The following DYM variants were observed in gnomAD, a reference collection of about 807,000 sequenced individuals.
DYM encodes the protein dymeclin.
In DYM, 78 loss-of-function variants were observed where a neutral mutation model predicts 93.1. The ratio of observed to expected loss-of-function variants is 0.84; its 90% CI spans 0.70 to 1.01. The LOEUF (loss-of-function observed/expected upper bound fraction) is 1.01, where lower values mean the gene tolerates loss of function less well. Ranked by LOEUF, DYM falls within the 50% of genes least tolerant of loss-of-function variation. The pLI is 0.00. For missense variants in DYM, 789 were observed against 845.0 expected (o/e 0.93, Z 0.82); for synonymous variants, 321 against 319.7 (o/e 1.00, Z -0.04).
At chr18:49,203,324 T>A (rs868680647) in intron 14 of DYM, among the ~76,000 whole-genome samples, 1 of 73,792 alleles carries the variant, frequency 1.4e-5, no homozygotes, top group Non-Finnish European at 3.0e-5. Context: ...GGAGCCCCTC[T>A]GCCCGGCCAC....
Position 49,282,027 on chromosome 18 carries a change from G to T in DYM, c.1095C>A (p.Tyr365Ter). The T allele has an allele frequency of 6.2e-7, 1 of 1,613,976 alleles. No individual in the cohort carries two copies. Among genetic ancestry groups the T allele is most frequent in the Non-Finnish European group, 8.5e-7 (1 of 1,179,922 alleles). The change falls in exon 10 of 18, where the codon TAC becomes TAA. Residue 365 changes from tyrosine (Y) to a stop codon, truncating the protein, a stop_gained. Transcript: ENST00000675505. LOFTEE classifies it high-confidence loss of function. ...LLHQNSNIRT[Y>*]MLARTDMENL... is the part of the protein sequence containing the mutation. ...TTTCCATATCTGTGCGAGCCAACAT[G>T]TATGTTCTAATATTACTATTTTGAT...
intron 14 of DYM, among the ~76,000 whole-genome samples, chr18:49,204,463 A>G (rs1028761287): frequency 1.3e-5 from 2 of 152,234 alleles, no homozygotes; most frequent in Non-Finnish European, 2.9e-5. Context: ...TATTTTTGAC[A>G]TCAGCAAAGT....
rs928697399 is a variant in DYM at position 49,318,957 on chromosome 18, C to T, written c.763+12907G>A. ...CTAGGATTACAGGCACCTGCCACCA[C>T]GCCCAACTAATTTTTTTTTTTGTAT... On this transcript the variant is annotated intron_variant, in intron 8 of 17. Coordinates refer to ENST00000675505, the MANE Select transcript of DYM (RefSeq NM_001353214.3). Among the ~76,000 whole-genome samples, 232 of 151,510 alleles carry T rather than the reference C, an allele frequency of 1.5e-3. 4 individuals carry two copies. The highest frequency in any genetic ancestry group is 2.5e-4 in the Non-Finnish European group (17 of 67,856).
At chr18:49,290,063 A>G (rs1378314185) in intron 8 of DYM, among the ~76,000 whole-genome samples, 2 of 151,530 alleles carry the variant, frequency 1.3e-5, no homozygotes, top group African/African-American at 4.8e-5. Flanking sequence ...TGAGCCCAGC[A>G]ATTCTTTTTT....
At chr18:49,081,021 T>A (rs1312234299) in intron 17 of DYM, among the ~76,000 whole-genome samples, 1 of 128,578 alleles carries the variant, frequency 7.8e-6, no homozygotes, top group Non-Finnish European at 1.6e-5. Context: ...CTTTCCAGAC[T>A]GGGCAGCCAG....
At chr18:49,069,560 TGTTTA>T (rs1192332535) in intron 17 of DYM, among the ~76,000 whole-genome samples, 1 of 152,222 alleles carries the variant, frequency 6.6e-6, no homozygotes, top group African/African-American at 2.4e-5. Context: ...GCTTGTGTGT[TGTTTA>T]GTTTATAAAA....
chr18:49,232,078 A>AT (rs1281299994), intron 13 of DYM, among the ~76,000 whole-genome samples: 1 of 151,952 alleles, frequency 6.6e-6, no homozygotes, highest in African/African-American at 2.4e-5. Context: ...TACACATGTG[A>AT]TTTTCATGTT....
At chr18:49,362,373 G>C (rs936149825) in intron 6 of DYM, among the ~76,000 whole-genome samples, 1 of 152,034 alleles carries the variant, frequency 6.6e-6, no homozygotes, top group African/African-American at 2.4e-5. Flanking sequence ...TGAACATTTC[G>C]AATCACAAAG....
chr18:49,331,738 C>A lies in DYM; in HGVS notation c.763+126G>T. ...TAATATTTTAATTACTTTGTTTTCA[C>A]ATTGAACCAGCTGCACAAATTCAAT... On this transcript the variant is annotated intron_variant, in intron 8 of 17. Transcript: ENST00000675505. 3 of 1,053,244 alleles carry A rather than the reference C, an allele frequency of 2.8e-6. No homozygotes were observed. The South Asian group carries it at 4.0e-5, about 14-fold the overall frequency. 65.2% of individuals were successfully genotyped at this position (1,053,244 alleles called of 1,614,324 possible). A position where few individuals can be genotyped will look rare whatever the true frequency, so the allele number is the denominator to read the frequency against.
At chr18:49,247,148 G>A (rs2094189811) in intron 13 of DYM, among the ~76,000 whole-genome samples, 1 of 152,116 alleles carries the variant, frequency 6.6e-6, no homozygotes, top group Non-Finnish European at 1.5e-5. Context: ...TGTGCTTGAA[G>A]GCTATCATAA....
intron 15 of DYM, 108 bp from the exon 16 acceptor site, chr18:49,119,034 C>CATGAAGAGA: frequency 2.2e-6 from 2 of 911,222 alleles, no homozygotes; most frequent in Non-Finnish European, 3.5e-6. Context: ...TTGGAAAGAT[C>CATGAAGAGA]ATGAAGAGAA....
At chr18:49,151,461 C>G (rs570776923) in intron 15 of DYM, among the ~76,000 whole-genome samples, 1 of 152,124 alleles carries the variant, frequency 6.6e-6, no homozygotes, top group African/African-American at 2.4e-5. Flanking sequence ...AATAAAGTGG[C>G]ATTTATAAAA....
chr18:49,152,310 GT>G (rs2085908060), intron 15 of DYM, among the ~76,000 whole-genome samples: 1 of 152,120 alleles, frequency 6.6e-6, no homozygotes, highest in African/African-American at 2.4e-5. Context: ...GGAATGTTTT[GT>G]TTTTGTTTTA....
chr18:49,128,284 GAA>G (rs1452334361), intron 15 of DYM, among the ~76,000 whole-genome samples: 1 of 152,224 alleles, frequency 6.6e-6, no homozygotes, highest in East Asian at 1.9e-4. Flanking sequence ...ACTGCCAGCA[GAA>G]GAGACAAGTG....
At chr18:49,123,689 C>A (rs1290872410) in intron 15 of DYM, among the ~76,000 whole-genome samples, 1 of 152,088 alleles carries the variant, frequency 6.6e-6, no homozygotes, top group African/African-American at 2.4e-5. Flanking sequence ...AAAATGTTTT[C>A]TTTTTATGAT....
chr18:49,286,437 G>A lies in DYM; in HGVS notation c.943C>T (p.Gln315Ter). Reference protein sequence around the residue: ...RQAIMSFKNTQDSSPFPSSIP... With the variant: ...RQAIMSFKNT ...TTAGAGAAAAAATACCACAAACCTT[G>A]TGTGTTCTTGAAGGACATAATGGCT... Residue 315 changes from glutamine (Q) to a stop codon, truncating the protein, a stop_gained, in exon 9 of 18, where the codon CAA becomes TAA. Transcript: ENST00000675505. LOFTEE classifies it high-confidence loss of function. The A allele has an allele frequency of 1.2e-6, 2 of 1,614,094 alleles. No homozygotes were observed. Among genetic ancestry groups the A allele is most frequent in the Non-Finnish European group, 1.7e-6 (2 of 1,179,960 alleles).
At chr18:49,303,489 T>C (rs1042654910) in intron 8 of DYM, among the ~76,000 whole-genome samples, 2 of 151,942 alleles carry the variant, frequency 1.3e-5, no homozygotes, top group Non-Finnish European at 2.9e-5. Context: ...TGACCTGGAG[T>C]GTGCTGGAGA....
At position 49,301,660 on chromosome 18, in the gene DYM, G is replaced by C. The variant is rs931142336; in HGVS notation, c.764-15044C>G. 2.6e-5 allele frequency among the ~76,000 whole-genome samples: 4 copies of C among 152,164 alleles called. No individual in the cohort carries two copies. In the East Asian group the frequency reaches 7.7e-4, roughly 29 times the overall value. On this transcript the variant is annotated intron_variant, in intron 8 of 17. Coordinates refer to ENST00000675505, the MANE Select transcript of DYM (RefSeq NM_001353214.3). ...ATGAAATTGAAAAACTATCCCCAAAGCATTCAATTCATTTCAACAAGCAGT... is the reference window on the plus strand; with the variant it reads ...ATGAAATTGAAAAACTATCCCCAAACCATTCAATTCATTTCAACAAGCAGT...
chr18:49,080,122 C>A (rs201160037), intron 17 of DYM, among the ~76,000 whole-genome samples: 3 of 60,586 alleles, frequency 5.0e-5, no homozygotes, highest in Non-Finnish European at 8.8e-5. Flanking sequence ...CTGACCCCCC[C>A]ACCTCCCTCC....
Sources: gnomAD v4.1 joint callset for allele counts (sites outside exome capture counted in the v4.1 genomes callset) on GRCh38, gnomAD v4.1.1 for gene constraint, MANE v1.5 for transcripts, NCBI Gene and HGNC (gene_info 2026-07-23, HGNC 2026-07-21) for gene names.